Variants in NALCN observed in about 807,000 individuals in gnomAD.
The protein encoded by NALCN is sodium leak channel, non-selective.
In NALCN, 111 loss-of-function variants were observed where a neutral mutation model predicts 225.3. The observed-to-expected ratio is 0.49, with a 90% confidence interval of 0.42 to 0.58. The LOEUF (loss-of-function observed/expected upper bound fraction) is 0.58. NALCN is among the 20% of genes least tolerant of loss of function. The probability of loss-of-function intolerance (pLI) is 0.00; values close to 1 mark genes in which losing one functional copy is unlikely to be tolerated. For missense variants in NALCN, 1,378 were observed against 2,202.4 expected (o/e 0.63, Z 7.49); for synonymous variants, 764 against 769.0 (o/e 0.99, Z 0.11).
At chr13:101,081,355 G>A (rs559823586) in intron 34 of NALCN, among the ~76,000 whole-genome samples, 172 bp downstream of exon 34, 1 of 152,280 alleles carries the variant, frequency 6.6e-6, no homozygotes, top group African/African-American at 2.4e-5. Flanking sequence ...GTGTGTACAT[G>A]TAGACACAAG....
intron 36 of NALCN, 88 bp downstream of exon 36, chr13:101,074,426 T>G: frequency 7.7e-7 from 1 of 1,294,242 alleles, no homozygotes; most frequent in East Asian, 2.6e-5. Context: ...CTCCTAGACT[T>G]TAATAGACAA....
chr13:101,408,604 C>T (rs934842158), intron 1 of NALCN, among the ~76,000 whole-genome samples: 12 of 152,160 alleles, frequency 7.9e-5, no homozygotes, highest in Non-Finnish European at 4.4e-5. Flanking sequence ...GATTTTCAAT[C>T]TAATTTTGTA....
chr13:101,336,368 G>A (rs776843207), intron 7 of NALCN, among the ~76,000 whole-genome samples: 6 of 152,104 alleles, frequency 3.9e-5, no homozygotes, highest in Admixed American at 3.9e-4. Flanking sequence ...ATTTCTTCTT[G>A]TAAAAAATAC....
chr13:101,349,453 A>C (rs1411778965), intron 6 of NALCN, among the ~76,000 whole-genome samples: 1 of 152,170 alleles, frequency 6.6e-6, no homozygotes, highest in Non-Finnish European at 1.5e-5. Flanking sequence ...GGTGTGATTA[A>C]GGCTAAAGAC....
intron 13 of NALCN, among the ~76,000 whole-genome samples, chr13:101,210,826 G>T (rs2040496370): frequency 6.6e-6 from 1 of 152,128 alleles, no homozygotes; most frequent in Non-Finnish European, 1.5e-5. Context: ...CTTTGCACCT[G>T]TTACTTCCTT....
chr13:101,112,132 G>A (rs2035473421), intron 18 of NALCN, among the ~76,000 whole-genome samples: 1 of 150,910 alleles, frequency 6.6e-6, no homozygotes, highest in Non-Finnish European at 1.5e-5. Flanking sequence ...TAACACGACT[G>A]AACTGTACAC....
At chr13:101,293,504 T>C (rs2043625123) in intron 7 of NALCN, among the ~76,000 whole-genome samples, 1 of 152,242 alleles carries the variant, frequency 6.6e-6, no homozygotes, top group South Asian at 2.1e-4. Context: ...ATTCTACTTC[T>C]ATAAATAAGT....
At chr13:101,067,860 G>T in intron 39 of NALCN, 58 bp downstream of exon 39, 1 of 1,174,208 alleles carries the variant, frequency 8.5e-7, no homozygotes, top group Non-Finnish European at 1.3e-6. Flanking sequence ...TTAAGTGTTT[G>T]AGACATGTTG....
intron 6 of NALCN, among the ~76,000 whole-genome samples, chr13:101,369,902 A>G (rs554819415): frequency 2.0e-5 from 3 of 152,228 alleles, no homozygotes; most frequent in Non-Finnish European, 4.4e-5. Flanking sequence ...CTTACTCCGT[A>G]TATGAACTAA....
Position 101,089,583 on chromosome 13 carries a change from C to T in NALCN, c.3489+80G>A. On this transcript the variant is annotated intron_variant, in intron 30 of 43. Coordinates refer to ENST00000251127, the MANE Select transcript of NALCN (RefSeq NM_052867.4). The surrounding 1 kb of genome is among the most constrained non-coding windows in gnomAD (Gnocchi z 4.7). ...TACAGTTTAAAGCGGCTTCACGCCGCGTGTGAAAAGAAACAAATAGCTCAA... is the reference window on the plus strand; with the variant it reads ...TACAGTTTAAAGCGGCTTCACGCCGTGTGTGAAAAGAAACAAATAGCTCAA... 7.9e-7 allele frequency: 1 copy of T among 1,272,072 alleles called. No individual in the cohort carries two copies. The highest frequency in any genetic ancestry group is 1.1e-6 in the Non-Finnish European group (1 of 887,578). 78.8% of individuals were successfully genotyped at this position (1,272,072 alleles called of 1,614,324 possible).
chr13:101,066,007 G>A (rs899684654), intron 39 of NALCN, among the ~76,000 whole-genome samples: 5 of 152,134 alleles, frequency 3.3e-5, no homozygotes, highest in Admixed American at 6.5e-5. Flanking sequence ...TGCTAGGAAC[G>A]TCTCAATGTT....
intron 30 of NALCN, among the ~76,000 whole-genome samples, chr13:101,087,469 A>G (rs1330941758): frequency 7.4e-6 from 1 of 134,630 alleles, no homozygotes; most frequent in African/African-American, 2.6e-5. Flanking sequence ...GCAGCTCATG[A>G]GCTGCTTTCT....
chr13:101,225,638 C>T (rs2041113399), intron 13 of NALCN, among the ~76,000 whole-genome samples: 1 of 152,158 alleles, frequency 6.6e-6, no homozygotes, highest in Non-Finnish European at 1.5e-5. Flanking sequence ...TTAGATCTTA[C>T]AATGGCTGAA....
At chr13:101,309,191 T>TA (rs1304554359) in intron 7 of NALCN, among the ~76,000 whole-genome samples, 2 of 152,068 alleles carry the variant, frequency 1.3e-5, no homozygotes, top group African/African-American at 4.8e-5. Flanking sequence ...TTTTACCAAA[T>TA]AAAATGTTAA....
At chr13:101,400,896 T>G (rs1181306604) in intron 1 of NALCN, among the ~76,000 whole-genome samples, 1 of 151,884 alleles carries the variant, frequency 6.6e-6, no homozygotes, top group Non-Finnish European at 1.5e-5. Flanking sequence ...TCACAAGATC[T>G]GATGGTTTTA....
At chr13:101,168,851 T>C (rs1259631276) in intron 15 of NALCN, among the ~76,000 whole-genome samples, 1 of 152,202 alleles carries the variant, frequency 6.6e-6, no homozygotes, top group African/African-American at 2.4e-5. Flanking sequence ...CAGCAAACTC[T>C]TAGTGTCGAG....
chr13:101,205,797 A>G (rs2040290811), intron 13 of NALCN, among the ~76,000 whole-genome samples: 1 of 152,060 alleles, frequency 6.6e-6, no homozygotes, highest in Non-Finnish European at 1.5e-5. Flanking sequence ...TGAAATTGAT[A>G]TTTTCATTTC....
At chr13:101,063,036 G>A (rs1025491228) in intron 40 of NALCN, among the ~76,000 whole-genome samples, 1 of 152,216 alleles carries the variant, frequency 6.6e-6, no homozygotes, top group Non-Finnish European at 1.5e-5. Context: ...GGGCAATAAG[G>A]CAGCTCCCAG....
chr13:101,296,153 A>C lies in NALCN; in HGVS notation c.800-3787T>G, dbSNP rs16958786. 5.9e-3 allele frequency among the ~76,000 whole-genome samples: 891 copies of C among 152,044 alleles called. 29 individuals are homozygous for C. The highest frequency in any genetic ancestry group is 0.045 in the East Asian group (231 of 5,156). ...GCCTCCCATTCAACTGTCTCATGTCACTCGTCATACTGAATTCTCTACCTT... is the reference window on the plus strand; with the variant it reads ...GCCTCCCATTCAACTGTCTCATGTCCCTCGTCATACTGAATTCTCTACCTT... On this transcript the variant is annotated intron_variant, in intron 7 of 43. Transcript: ENST00000251127.
Sources: gnomAD v4.1 joint callset for allele counts (sites outside exome capture counted in the v4.1 genomes callset) on GRCh38, gnomAD v4.1.1 for gene constraint, Gnocchi (gnomAD v3.1) non-coding constraint, MANE v1.5 for transcripts, NCBI Gene and HGNC (gene_info 2026-07-23, HGNC 2026-07-21) for gene names.